The following SAMD7 variants were observed in gnomAD, a reference collection of about 807,000 sequenced individuals.
SAMD7 encodes sterile alpha motif domain containing 7, also known as sterile alpha motif domain-containing protein 7.
A neutral mutation model predicts 36.7 loss-of-function variants in SAMD7; 34 were observed. The observed-to-expected ratio is 0.93, with a 90% CI of 0.71 to 1.23. The LOEUF is 1.23. SAMD7 is among the 50% of genes most tolerant of loss of function. The pLI is 0.00. For synonymous variants in SAMD7, 188 were observed against 189.7 expected (o/e 0.99, Z 0.07); for missense variants, 570 against 546.6 (o/e 1.04, Z -0.43).
intron 1 of SAMD7, among the ~76,000 whole-genome samples, chr3:169,913,749 CA>C (rs1712692789): frequency 6.6e-6 from 1 of 152,202 alleles, no homozygotes; most frequent in Non-Finnish European, 1.5e-5. Flanking sequence ...CCTTAGTTTA[CA>C]ATTTGTCTAC....
intron 2 of SAMD7, among the ~76,000 whole-genome samples, chr3:169,918,940 A>G (rs1030637703): frequency 6.6e-6 from 1 of 152,170 alleles, no homozygotes; most frequent in Non-Finnish European, 1.5e-5. Flanking sequence ...TGCAGTCAGG[A>G]GTTCAAGGCC....
intron 3 of SAMD7, among the ~76,000 whole-genome samples, chr3:169,920,957 A>G (rs1713016955): frequency 6.6e-6 from 1 of 152,230 alleles, no homozygotes; most frequent in African/African-American, 2.4e-5. Context: ...TATTTTTTCT[A>G]GACATCCCTA....
intron 8 of SAMD7, 112 bp from the exon 9 acceptor site, chr3:169,938,206 A>T: frequency 1.5e-6 from 1 of 682,454 alleles, no homozygotes; most frequent in Non-Finnish European, 2.5e-6. Context: ...ACTATATGTT[A>T]ATAGATGCTC....
chr3:169,928,392 G>A, intron 6 of SAMD7, 65 bp from the exon 7 acceptor site: 1 of 1,429,340 alleles, frequency 7.0e-7, no homozygotes, highest in South Asian at 1.2e-5. Context: ...AGAATATAAG[G>A]AAATTAATGT....
chr3:169,932,818 C>A, intron 7 of SAMD7: 1 of 569,910 alleles, frequency 1.8e-6, no homozygotes. Context: ...CTGGCCTGTG[C>A]CGCCTGGACA....
At position 169,915,485 on chromosome 3, in the gene SAMD7, T is replaced by G. The variant is rs143355577; in HGVS notation, c.-42+44T>G. 460 of 152,096 alleles carry G rather than the reference T, an allele frequency of 3.0e-3. 2 individuals carry two copies. The highest frequency in any genetic ancestry group is 0.011 in the African/African-American group (444 of 41,488). The allele number at this position is 152,096 out of a possible 1,614,324, so 9.4% of individuals were successfully genotyped here. A position where few individuals can be genotyped will look rare whatever the true frequency, so the allele number is the denominator to read the frequency against. On this transcript the variant is annotated intron_variant, in intron 2 of 8. Coordinates refer to ENST00000335556, the MANE Select transcript of SAMD7 (RefSeq NM_001304366.2). ...AGGTGGTGAGTCTCTAAGCAATTCTTGCTCCTCTCTTTCTTCCTTTTTCCT... is the reference window on the plus strand; with the variant it reads ...AGGTGGTGAGTCTCTAAGCAATTCTGGCTCCTCTCTTTCTTCCTTTTTCCT...
chr3:169,925,227 A>G (rs1713208513), intron 5 of SAMD7, 91 bp downstream of exon 5: 1 of 765,752 alleles, frequency 1.3e-6, no homozygotes, highest in South Asian at 1.8e-5. Flanking sequence ...GAATAGATGA[A>G]TATATATAAC....
At chr3:169,931,803 C>T (rs1179941706) in intron 7 of SAMD7, among the ~76,000 whole-genome samples, 1 of 152,094 alleles carries the variant, frequency 6.6e-6, no homozygotes, top group Admixed American at 6.5e-5. Flanking sequence ...GCTGCCCCTC[C>T]TCGGGGGCCA....
At chr3:169,925,017 T>C in intron 4 of SAMD7, 41 bp from the exon 5 acceptor site, 2 of 1,202,094 alleles carry the variant, frequency 1.7e-6, no homozygotes, top group Non-Finnish European at 2.4e-6. Flanking sequence ...TGCATGTTTT[T>C]AATTTATTTG....
In SAMD7 at chr3:169,921,323, A is replaced by C. The variant is rs758848940; in HGVS notation, c.196A>C (p.Ser66Arg). 7 of 1,614,046 alleles carry C rather than the reference A, an allele frequency of 4.3e-6. No homozygotes were observed. The East Asian group carries it at 1.6e-4, about 36-fold the overall frequency. The change falls in exon 4 of 9, where the codon AGT (serine) becomes CGT (arginine). Residue 66 changes from serine (S) to arginine (R), a missense_variant. Physicochemically the swap from Ser to Arg is moderately radical, Grantham distance 110 (BLOSUM62 -1). Transcript: ENST00000335556. ...PNTNMANVLSSRIYPGWGILP... is the reference protein window; with the variant it reads ...PNTNMANVLSRRIYPGWGILP... Reference sequence around the variant, plus strand: ...CACAAATATGGCAAATGTGTTGTCCAGTCGGATCTACCCAGGTATGAGCAA... The same window carrying C: ...CACAAATATGGCAAATGTGTTGTCCCGTCGGATCTACCCAGGTATGAGCAA...
intron 7 of SAMD7, among the ~76,000 whole-genome samples, chr3:169,931,691 G>C (rs1011256566): frequency 6.6e-6 from 1 of 152,180 alleles, no homozygotes; most frequent in African/African-American, 2.4e-5. Flanking sequence ...ACTTAATGCA[G>C]TTTGTTGGGG....
At chr3:169,924,114 A>C (rs1268437520) in intron 4 of SAMD7, among the ~76,000 whole-genome samples, 1 of 152,082 alleles carries the variant, frequency 6.6e-6, no homozygotes, top group Non-Finnish European at 1.5e-5. Flanking sequence ...AAGCTATTGA[A>C]CTACAAAAAA....
chr3:169,919,309 C>A (rs1712943671), intron 2 of SAMD7, 149 bp from the exon 3 acceptor site: 1 of 600,886 alleles, frequency 1.7e-6, no homozygotes, highest in Non-Finnish European at 3.0e-6. Context: ...ACAATTATAT[C>A]TGGGGTTTTT....
rs1713069213 is a variant in SAMD7, at chr3:169,922,086, C to G, written c.211+748C>G. Among the ~76,000 whole-genome samples, 2 of 152,126 alleles carry G rather than the reference C, an allele frequency of 1.3e-5. 1 individual carries two copies. Among genetic ancestry groups the G allele is most frequent in the South Asian group, 4.1e-4 (2 of 4,820 alleles). ...GAGTTGAGGAAGACTGTGGAAGGAACAGAGTTCTTGCGGAGGGAGAGAATC... is the reference window on the plus strand; with the variant it reads ...GAGTTGAGGAAGACTGTGGAAGGAAGAGAGTTCTTGCGGAGGGAGAGAATC... On this transcript the variant is annotated intron_variant, in intron 4 of 8. Transcript: ENST00000335556.
chr3:169,916,086 C>A lies in SAMD7; in HGVS notation c.-42+645C>A, dbSNP rs954242963. Among the ~76,000 whole-genome samples, 3 of 152,232 alleles carry A rather than the reference C, an allele frequency of 2.0e-5. 1 individual carries two copies. The highest frequency in any genetic ancestry group is 3.4e-3 in the Middle Eastern group (1 of 294). ...TGATTTTTGTGGCAAGAACACTCAA[C>A]ATGAAATTTACCTTCTTAACACATT... On this transcript the variant is annotated intron_variant, in intron 2 of 8. Coordinates refer to ENST00000335556, the MANE Select transcript of SAMD7 (RefSeq NM_001304366.2).
intron 7 of SAMD7, among the ~76,000 whole-genome samples, 178 bp downstream of exon 7, chr3:169,928,756 C>G (rs960041098): frequency 2.6e-5 from 4 of 152,118 alleles, no homozygotes; most frequent in Non-Finnish European, 5.9e-5. Flanking sequence ...GGTCATACAC[C>G]CACACCCCAG....
Position 169,926,832 on chromosome 3 carries a change from T to C in SAMD7, c.570T>C (p.Asn190=), listed in dbSNP as rs1218391518. ...GTCGACTCAGGAAAAATACAGGGAATCAAAAAGCTCTAGACAGTGATGCTG... is the reference window on the plus strand; with the variant it reads ...GTCGACTCAGGAAAAATACAGGGAACCAAAAAGCTCTAGACAGTGATGCTG... ...RCRRLRKNTG[N]QKALDSDAES... is the part of the protein sequence containing the mutation. Residue 190 remains asparagine, a synonymous_variant, in exon 6 of 9, where the codon AAT becomes AAC. Coordinates refer to ENST00000335556, the MANE Select transcript of SAMD7 (RefSeq NM_001304366.2). The C allele has an allele frequency of 6.2e-7, 1 of 1,613,192 alleles. No homozygotes were observed. The highest frequency in any genetic ancestry group is 8.5e-7 in the Non-Finnish European group (1 of 1,179,918).
At chr3:169,917,625 G>GTTTATTA (rs1553756961) in intron 2 of SAMD7, among the ~76,000 whole-genome samples, 4 of 146,120 alleles carry the variant, frequency 2.7e-5, no homozygotes, top group African/African-American at 1.0e-4. Flanking sequence ...TTATTTGTTT[G>GTTTATTA]TTTATTTATT....
At chr3:169,932,631 C>G in intron 7 of SAMD7, 1 of 537,302 alleles carries the variant, frequency 1.9e-6, no homozygotes, top group Non-Finnish European at 3.7e-6. Flanking sequence ...GAAACAGAAT[C>G]AGCTTGTGCC....
Sources: allele counts gnomAD v4.1 joint callset (sites outside exome capture counted in the v4.1 genomes callset), GRCh38; gene constraint gnomAD v4.1.1; transcripts MANE v1.5; gene names NCBI Gene and HGNC (gene_info 2026-07-23, HGNC 2026-07-21).